Variants in AHSG observed in about 807,000 individuals in gnomAD.
AHSG encodes the protein alpha-2-HS-glycoprotein.
Under a neutral mutation model 30.1 loss-of-function variants are expected in AHSG, and 23 were observed. The observed-to-expected ratio is 0.76, with a 90% CI of 0.55 to 1.08. AHSG has a LOEUF of 1.08. Among genes scored for constraint, AHSG ranks in the 50% least tolerant of loss-of-function variants. AHSG has a pLI of 0.00. For synonymous variants in AHSG, 164 were observed against 186.3 expected (o/e 0.88, Z 0.98); for missense variants, 469 against 459.5 (o/e 1.02, Z -0.19).
rs2108502624 is a variant in AHSG, at chr3:186,618,590, G to A, written c.628G>A (p.Ala210Thr). Residue 210 changes from alanine to threonine, a missense_variant, in exon 5 of 7, where the codon GCT becomes ACT. Physicochemically the swap from Ala to Thr is moderately conservative, Grantham distance 58 (BLOSUM62 0). Coordinates refer to ENST00000411641, the MANE Select transcript of AHSG (RefSeq NM_001622.4). ...TACAGTGTCTGGCACTGACTGTGTT[G>A]CTAAAGAGGCCACAGAGGCAGCCAA... ...EFTVSGTDCV[A>T]KEATEAAKCN... 6.2e-7 allele frequency: 1 copy of A among 1,614,080 alleles called. No homozygotes were observed. The highest frequency in any genetic ancestry group is 1.3e-5 in the African/African-American group (1 of 75,030).
In AHSG at chr3:186,615,742, G is replaced by A. The variant is rs774770180; in HGVS notation, c.271G>A (p.Val91Met). The change falls in exon 2 of 7, where the codon GTG becomes ATG. Residue 91 changes from valine (V) to methionine (M), a missense_variant. Val to Met is a conservative substitution (Grantham distance 21, BLOSUM62 1). Transcript: ENST00000411641. ...AGACACCCTGGAAACCACCTGCCAT[G>A]TGCTGGACCCCACCCCTGTGGCAAG... ...EIDTLETTCH[V>M]LDPTPVARCS... The A allele has an allele frequency of 3.1e-6, 5 of 1,614,264 alleles. No homozygotes were observed. Among genetic ancestry groups the A allele is most frequent in the Admixed American group, 3.3e-5 (2 of 60,032 alleles).
intron 4 of AHSG, among the ~76,000 whole-genome samples, chr3:186,618,204 G>A (rs1343233866): frequency 6.6e-6 from 1 of 152,104 alleles, no homozygotes. Context: ...GTGAGGGCTG[G>A]GGGGAGGCAG....
intron 4 of AHSG, 151 bp from the exon 5 acceptor site, chr3:186,618,385 C>T: frequency 7.8e-7 from 1 of 1,289,940 alleles, no homozygotes; most frequent in Non-Finnish European, 1.0e-6. Context: ...AGCAACTGCC[C>T]TATGTAAGCC....
In AHSG at chr3:186,613,114, C is replaced by T. The variant is rs369014536; in HGVS notation, c.-28C>T. The T allele has an allele frequency of 8.1e-6, 13 of 1,610,804 alleles. No individual in the cohort carries two copies. Among genetic ancestry groups the T allele is most frequent in the Middle Eastern group, 3.3e-4 (2 of 6,082 alleles). Reference sequence around the variant, plus strand: ...GTCCCGAAGCCTCCAACCACCTGCACGCCTGCCAGGGCCTCTCTGGGGCAG... The same window carrying T: ...GTCCCGAAGCCTCCAACCACCTGCATGCCTGCCAGGGCCTCTCTGGGGCAG... On this transcript the variant is annotated 5_prime_UTR_variant, in exon 1 of 7. In the 5' UTR this introduces an upstream ATG that the reference lacks. Transcript: ENST00000411641.
At chr3:186,616,198 G>A (rs555655279) in intron 2 of AHSG, among the ~76,000 whole-genome samples, 77 of 152,214 alleles carry the variant, frequency 5.1e-4, no homozygotes, top group Admixed American at 9.8e-4. Flanking sequence ...TCTCTATCTC[G>A]AAATAATAAT....
chr3:186,617,701 T>C (rs1476722605), intron 4 of AHSG: 3 of 381,988 alleles, frequency 7.9e-6, no homozygotes, highest in South Asian at 2.2e-5. Context: ...GTAAATTTGC[T>C]GGGCTCCAGT....
intron 1 of AHSG, among the ~76,000 whole-genome samples, chr3:186,614,064 A>G (rs1004980001): frequency 1.2e-4 from 18 of 152,132 alleles, no homozygotes; most frequent in African/African-American, 3.6e-4. Context: ...AAGTCTTGGC[A>G]TAAACACAAT....
intron 3 of AHSG, 126 bp downstream of exon 3, chr3:186,616,653 T>C (rs1202263800): frequency 2.4e-6 from 2 of 828,886 alleles, no homozygotes; most frequent in Non-Finnish European, 3.8e-6. Flanking sequence ...CCAAATTTCC[T>C]GGGTTCTGGG....
chr3:186,619,803 G>C (rs1716420917), intron 5 of AHSG, 54 bp from the exon 6 acceptor site: 3 of 1,447,898 alleles, frequency 2.1e-6, no homozygotes, highest in Admixed American at 2.0e-5. Flanking sequence ...AATGAAATTG[G>C]GGGGGATCCA....
chr3:186,620,092 C>A, intron 6 of AHSG, 152 bp downstream of exon 6: 1 of 555,360 alleles, frequency 1.8e-6, no homozygotes, highest in Non-Finnish European at 3.0e-6. Flanking sequence ...GAATCATCAA[C>A]AAATGGAAGG....
intron 2 of AHSG, 69 bp from the exon 3 acceptor site, chr3:186,616,374 G>A: frequency 1.6e-6 from 2 of 1,278,440 alleles, no homozygotes; most frequent in Middle Eastern, 1.9e-4. Flanking sequence ...TGACAGCCGT[G>A]CCTGGAGGGA....
intron 2 of AHSG, among the ~76,000 whole-genome samples, 153 bp from the exon 3 acceptor site, chr3:186,616,290 C>T (rs1252948823): frequency 2.0e-5 from 3 of 152,156 alleles, no homozygotes; most frequent in African/African-American, 7.2e-5. Flanking sequence ...TTAACTATAT[C>T]GTTGTATCCC....
Position 186,620,666 on chromosome 3 carries a change from C to T in AHSG, c.840C>T (p.Ser280=), listed in dbSNP as rs761716301. The T allele has an allele frequency of 6.2e-7, 1 of 1,614,134 alleles. No individual in the cohort carries two copies. ...TPVVDPDAPP[S]PPLGAPGLPP... ...TGGTGGACCCAGATGCACCTCCGTC[C>T]CCTCCACTTGGCGCACCTGGACTCC... Residue 280 remains serine, a synonymous_variant, in exon 7 of 7, where the codon TCC becomes TCT. Transcript: ENST00000411641.
At chr3:186,617,581 TC>T in intron 4 of AHSG, 1 of 728,916 alleles carries the variant, frequency 1.4e-6, no homozygotes, top group Non-Finnish European at 2.2e-6. Context: ...CACTGTAACG[TC>T]CAGCAGCCAC....
chr3:186,618,684 T>C, intron 5 of AHSG, 47 bp downstream of exon 5: 1 of 1,603,680 alleles, frequency 6.2e-7, no homozygotes, highest in Non-Finnish European at 8.5e-7. Context: ...ACAGAGCTGT[T>C]TGTGGAACAG....
intron 4 of AHSG, 105 bp downstream of exon 4, chr3:186,617,455 C>A (rs1472523330): frequency 2.0e-5 from 31 of 1,584,092 alleles, no homozygotes; most frequent in Non-Finnish European, 2.6e-5. Context: ...GCAGGGGCAG[C>A]GATGAGAAAG....
In AHSG at chr3:186,615,783, G is replaced by A. The variant is rs369143032; in HGVS notation, c.312G>A (p.Gln104=). The change falls in exon 2 of 7, where the codon CAG becomes CAA. Residue 104 remains glutamine (Q), a synonymous_variant. Transcript: ENST00000411641. ...PTPVARCSVR[Q]LKEHAVEGDC... is the part of the protein sequence containing the mutation. The stretch of plus-strand genomic sequence containing the variant: ...CTGTGGCAAGATGCAGCGTGAGGCA[G>A]CTGAAGGAGCATGTGAGTACCCTTC... 15 of 1,614,212 alleles carry A rather than the reference G, an allele frequency of 9.3e-6. No individual in the cohort carries two copies. Among genetic ancestry groups the A allele is most frequent in the Non-Finnish European group, 5.9e-6 (7 of 1,180,006 alleles).
intron 1 of AHSG, among the ~76,000 whole-genome samples, 191 bp downstream of exon 1, chr3:186,613,545 CAGG>C (rs1398209523): frequency 6.6e-6 from 1 of 152,006 alleles, no homozygotes; most frequent in Non-Finnish European, 1.5e-5. Context: ...TCATGGGTGT[CAGG>C]AGGGAGCTGG....
intron 4 of AHSG, 92 bp downstream of exon 4, chr3:186,617,442 G>A (rs542305776): frequency 6.2e-7 from 1 of 1,603,034 alleles, no homozygotes; most frequent in Admixed American, 1.7e-5. Flanking sequence ...GGGAAGAACA[G>A]GCGCAGGGGC....
Sources: allele counts gnomAD v4.1 joint callset (sites outside exome capture counted in the v4.1 genomes callset), GRCh38; gene constraint gnomAD v4.1.1; transcripts MANE v1.5; gene names NCBI Gene and HGNC (gene_info 2026-07-23, HGNC 2026-07-21).